The following TNFAIP8L1 variants were observed in gnomAD, a reference collection of about 807,000 sequenced individuals.
TNFAIP8L1 encodes the protein TNF alpha induced protein 8 like 1.
For missense variants in TNFAIP8L1, 225 were observed against 266.1 expected, an observed-to-expected ratio of 0.85 and a Z score of 1.08; for synonymous variants, 127 against 125.6, an observed-to-expected ratio of 1.01 and a Z score of -0.08.
intron 1 of TNFAIP8L1, chr19:4,642,068 C>T (rs1353743521): frequency 6.6e-6 from 1 of 152,204 alleles, no homozygotes; most frequent in African/African-American, 2.4e-5. Context: ...GTCCCAGCCA[C>T]TCTGGAGGCT....
At chr19:4,639,992 T>A (rs1269745084) in intron 1 of TNFAIP8L1, 1 of 152,860 alleles carries the variant, frequency 6.5e-6, no homozygotes, top group Non-Finnish European at 1.5e-5. Flanking sequence ...GAGGTGGGCA[T>A]GACTGTAGCT....
chr19:4,652,515 CTCT>C lies in TNFAIP8L1; in HGVS notation c.*87_*89del. 7.5e-7 allele frequency: 1 copy of C among 1,330,980 alleles called. No homozygotes were observed. The allele number at this position is 1,330,980 out of a possible 1,614,324, so 82.4% of individuals were successfully genotyped here. On this transcript the variant is annotated 3_prime_UTR_variant, in exon 2 of 2. Transcript: ENST00000327473. ...GTGGGGTTTGTGGGTTTTTTTCCACCTCTTTTCTCCCAATCGGACTCCGGCCAA... is the reference window on the plus strand; with the variant it reads ...GTGGGGTTTGTGGGTTTTTTTCCACCTTTCTCCCAATCGGACTCCGGCCAA...
chr19:4,648,186 T>A (rs981741005), intron 1 of TNFAIP8L1, among the ~76,000 whole-genome samples: 1 of 152,170 alleles, frequency 6.6e-6, no homozygotes, highest in African/African-American at 2.4e-5. Context: ...ACTGAATGGG[T>A]GTTAACACCT....
chr19:4,648,663 G>T (rs555098440), intron 1 of TNFAIP8L1, among the ~76,000 whole-genome samples: 1 of 152,306 alleles, frequency 6.6e-6, no homozygotes, highest in Admixed American at 6.5e-5. Context: ...CCTGACTCCC[G>T]TCCGGAATCA....
chr19:4,652,679 G>A lies in TNFAIP8L1; in HGVS notation c.*249G>A. The A allele has an allele frequency of 6.1e-6, 3 of 487,898 alleles. No homozygotes were observed. Among genetic ancestry groups the A allele is most frequent in the Middle Eastern group, 5.4e-4 (1 of 1,854 alleles). 30.2% of individuals were successfully genotyped at this position (487,898 alleles called of 1,614,324 possible). On this transcript the variant is annotated 3_prime_UTR_variant, in exon 2 of 2. Coordinates refer to ENST00000327473, the MANE Select transcript of TNFAIP8L1 (RefSeq NM_152362.3). ...GAGAGGAATTTGGGGCCCTACTCTG[G>A]GGACCACCTTTCACCCGTTTGTACT...
rs575821186 is a variant in TNFAIP8L1, at chr19:4,654,623, C to T, written c.*2193C>T. The T allele has an allele frequency of 6.6e-6, 1 of 152,292 alleles. No individual in the cohort carries two copies. Among genetic ancestry groups the T allele is most frequent in the South Asian group, 2.1e-4 (1 of 4,820 alleles). 9.4% of individuals were successfully genotyped at this position (152,292 alleles called of 1,614,324 possible). ...TCACAAAGTGTGCACATTGTAATAT[C>T]GTGATTTCATATTTGGAGAATCAGC... On this transcript the variant is annotated 3_prime_UTR_variant, in exon 2 of 2. Transcript: ENST00000327473.
chr19:4,648,292 T>G (rs1025240055), intron 1 of TNFAIP8L1, among the ~76,000 whole-genome samples: 2 of 152,166 alleles, frequency 1.3e-5, no homozygotes, highest in Non-Finnish European at 2.9e-5. Flanking sequence ...AGGCAGTCCC[T>G]AGGAAGGCCC....
intron 1 of TNFAIP8L1, among the ~76,000 whole-genome samples, chr19:4,643,653 A>C (rs765753605): frequency 8.5e-5 from 13 of 152,220 alleles, no homozygotes; most frequent in Non-Finnish European, 1.9e-4. Flanking sequence ...TAAAATGGAC[A>C]CTGGCGAAGT....
At chr19:4,642,698 CAAGGAGGCCCGTGGGGCTGGAGCAGT>C (rs1338333545) in intron 1 of TNFAIP8L1, among the ~76,000 whole-genome samples, 5 of 146,062 alleles carry the variant, frequency 3.4e-5, no homozygotes, top group African/African-American at 7.6e-5. Context: ...AGAGGAGCAG[CAAGGAGGCCCGTGGGGCTGGAGCAGT>C]GAGGAGGAGG....
chr19:4,652,141 G>A lies in TNFAIP8L1; in HGVS notation c.272G>A (p.Arg91His), dbSNP rs1355998888. Residue 91 changes from arginine (R) to histidine (H), a missense_variant, in exon 2 of 2, where the codon CGC becomes CAC. Coordinates refer to ENST00000327473, the MANE Select transcript of TNFAIP8L1 (RefSeq NM_152362.3). The stretch of plus-strand genomic sequence containing the variant: ...GAGCTGGCGCTGCTGCGGCGCTTCC[G>A]CCACCGGGCGCGCTGCCTGGCCATG... ...GEELALLRRF[R>H]HRARCLAMTA... 4.5e-6 allele frequency: 7 copies of A among 1,565,824 alleles called. No homozygotes were observed. The highest frequency in any genetic ancestry group is 6.1e-6 in the Non-Finnish European group (7 of 1,157,004).
rs540803708 is a variant in TNFAIP8L1 at position 4,642,857 on chromosome 19, G to T, written c.-4+3228G>T. On this transcript the variant is annotated intron_variant, in intron 1 of 1. Transcript: ENST00000327473. ...GAGCCATGGAGGGTGGTGGGCAGGG[G>T]AAGGATGGAACCTGACTCAGGTACT... 9.7e-4 allele frequency among the ~76,000 whole-genome samples: 148 copies of T among 152,224 alleles called. 4 individuals carry two copies. The highest frequency in any genetic ancestry group is 9.7e-3 in the Admixed American group (148 of 15,270).
intron 1 of TNFAIP8L1, among the ~76,000 whole-genome samples, chr19:4,648,100 C>A (rs923348397): frequency 2.6e-5 from 4 of 152,238 alleles, no homozygotes; most frequent in African/African-American, 9.6e-5. Flanking sequence ...GCACAGGTCG[C>A]TGGCTCAGGA....
chr19:4,644,048 C>T (rs895194481), intron 1 of TNFAIP8L1, among the ~76,000 whole-genome samples: 4 of 151,418 alleles, frequency 2.6e-5, no homozygotes, highest in African/African-American at 9.7e-5. Context: ...TGGAGAAAAC[C>T]CCGTCTCTAC....
chr19:4,652,513 A>C lies in TNFAIP8L1; in HGVS notation c.*83A>C. ...GGGTGGGGTTTGTGGGTTTTTTTCC[A>C]CCTCTTTTCTCCCAATCGGACTCCG... On this transcript the variant is annotated 3_prime_UTR_variant, in exon 2 of 2. Coordinates refer to ENST00000327473, the MANE Select transcript of TNFAIP8L1 (RefSeq NM_152362.3). 1 of 1,344,088 alleles carries C rather than the reference A, an allele frequency of 7.4e-7. No individual in the cohort carries two copies. Among genetic ancestry groups the C allele is most frequent in the East Asian group, 2.6e-5 (1 of 37,882 alleles). 83.3% of individuals were successfully genotyped at this position (1,344,088 alleles called of 1,614,324 possible). A position where few individuals can be genotyped will look rare whatever the true frequency, so the allele number is the denominator to read the frequency against.
Position 4,652,416 on chromosome 19 carries a change from G to C in TNFAIP8L1, c.547G>C (p.Glu183Gln). The change falls in exon 2 of 2, where the codon GAG becomes CAG. Residue 183 changes from glutamate to glutamine, a missense_variant. Glu to Gln is a conservative substitution (Grantham distance 29). Transcript: ENST00000327473. ...CGAGGGCCTGGGCCGGATGCTGGAC[G>C]AGGGCAGCCTCTGAACCCCGGCGCC... The part of the protein sequence containing the change: ...ICEGLGRMLD[E>Q]GSL 6.5e-7 allele frequency: 1 copy of C among 1,529,008 alleles called. No homozygotes were observed. Among genetic ancestry groups the C allele is most frequent in the Non-Finnish European group, 8.8e-7 (1 of 1,135,612 alleles). The allele number at this position is 1,529,008 out of a possible 1,614,324, so 94.7% of individuals were successfully genotyped here. A position where few individuals can be genotyped will look rare whatever the true frequency, so the allele number is the denominator to read the frequency against.
chr19:4,654,462 GC>G lies in TNFAIP8L1; in HGVS notation c.*2036del, dbSNP rs2088404218. ...AGGCTCAAGTGATCCTCCCACCTCA[GC>G]CCCGGGTAGCTGGGACTACAGGTGT... On this transcript the variant is annotated 3_prime_UTR_variant, in exon 2 of 2. Coordinates refer to ENST00000327473, the MANE Select transcript of TNFAIP8L1 (RefSeq NM_152362.3). The G allele has an allele frequency of 6.6e-6, 1 of 152,162 alleles. No individual in the cohort carries two copies. Among genetic ancestry groups the G allele is most frequent in the Non-Finnish European group, 1.5e-5 (1 of 68,022 alleles). 9.4% of individuals were successfully genotyped at this position (152,162 alleles called of 1,614,324 possible).
rs2145177036 is a variant in TNFAIP8L1 at position 4,653,897 on chromosome 19, C to G, written c.*1467C>G. ...TTAAGAGGCTGCAGTGACCGATGAT[C>G]ATGCCACTGCACTCCAGCTTGGGTG... On this transcript the variant is annotated 3_prime_UTR_variant, in exon 2 of 2. Transcript: ENST00000327473. 1 of 150,894 alleles carries G rather than the reference C, an allele frequency of 6.6e-6. No individual in the cohort carries two copies. The highest frequency in any genetic ancestry group is 3.4e-3 in the Middle Eastern group (1 of 290). 9.3% of individuals were successfully genotyped at this position (150,894 alleles called of 1,614,324 possible).
intron 1 of TNFAIP8L1, among the ~76,000 whole-genome samples, chr19:4,646,191 C>T (rs566509696): frequency 5.8e-4 from 88 of 151,760 alleles, no homozygotes; most frequent in Middle Eastern, 6.3e-3. Context: ...GGAACAATCT[C>T]GACTCCCTGC....
At chr19:4,650,469 C>T (rs1266411936) in intron 1 of TNFAIP8L1, among the ~76,000 whole-genome samples, 1 of 151,962 alleles carries the variant, frequency 6.6e-6, no homozygotes, top group Non-Finnish European at 1.5e-5. Context: ...CTATGCCCTA[C>T]TCTGAGATTT....
Sources: allele counts gnomAD v4.1 joint callset (sites outside exome capture counted in the v4.1 genomes callset), GRCh38; gene constraint gnomAD v4.1.1; transcripts MANE v1.5; gene names NCBI Gene and HGNC (gene_info 2026-07-23, HGNC 2026-07-21).